Variants in TP73 observed in about 807,000 individuals in gnomAD.
The protein encoded by TP73 is tumor protein p73.
In TP73, 25 loss-of-function variants were observed where a neutral mutation model predicts 62.5. That is an observed-to-expected ratio of 0.40 (90% confidence interval 0.29 to 0.56). The LOEUF (loss-of-function observed/expected upper bound fraction) is 0.56. Among genes scored for constraint, TP73 ranks in the 20% least tolerant of loss-of-function variants. The probability of loss-of-function intolerance (pLI) is 0.46; values close to 1 mark genes in which losing one functional copy is unlikely to be tolerated. For missense variants in TP73, 754 were observed against 913.3 expected, an observed-to-expected ratio of 0.83 and a Z score of 2.25; for synonymous variants, 423 against 377.5, an observed-to-expected ratio of 1.12 and a Z score of -1.40.
At chr1:3,658,581 C>A (rs1464033715) in intron 1 of TP73, among the ~76,000 whole-genome samples, 2 of 152,180 alleles carry the variant, frequency 1.3e-5, no homozygotes, top group African/African-American at 4.8e-5. Flanking sequence ...TGCGTCTTGG[C>A]GCGCGGCTCT....
chr1:3,688,021 G>A (rs540968398), intron 3 of TP73, among the ~76,000 whole-genome samples: 13 of 152,132 alleles, frequency 8.5e-5, no homozygotes, highest in Non-Finnish European at 1.9e-4. Context: ...CGCAGGTCCC[G>A]TGCATGTGTG....
intron 1 of TP73, among the ~76,000 whole-genome samples, chr1:3,656,385 AAAG>A (rs1282922373): frequency 2.0e-5 from 3 of 152,232 alleles, no homozygotes; most frequent in Non-Finnish European, 4.4e-5. Context: ...TCACAGACCC[AAAG>A]AAGAAAAAGA....
intron 13 of TP73, among the ~76,000 whole-genome samples, chr1:3,732,029 C>T (rs138353278): frequency 3.3e-5 from 5 of 152,358 alleles, no homozygotes; most frequent in Non-Finnish European, 7.3e-5. Context: ...CATGATTAAA[C>T]AGCCACGGCT....
At chr1:3,690,230 G>A (rs1190777899) in intron 3 of TP73, among the ~76,000 whole-genome samples, 5 of 152,162 alleles carry the variant, frequency 3.3e-5, no homozygotes, top group South Asian at 4.1e-4. Context: ...TGTCTCCCTC[G>A]GGGGTCTAGG....
In TP73 at chr1:3,668,250, G is replaced by A. The variant is rs145082508; in HGVS notation, c.-33-14083G>A. ...GGATACACTTTCCAAAGAGTCACCC[G>A]GCTGCGATGAGGGGCCATCTCCCCT... On this transcript the variant is annotated intron_variant, in intron 1 of 13. Coordinates refer to ENST00000378295, the MANE Select transcript of TP73 (RefSeq NM_005427.4). 3.9e-3 allele frequency among the ~76,000 whole-genome samples: 592 copies of A among 152,250 alleles called. 2 individuals carry two copies. Among genetic ancestry groups the A allele is most frequent in the African/African-American group, 0.013 (536 of 41,538 alleles).
chr1:3,708,176 C>T, intron 4 of TP73: 1 of 290,802 alleles, frequency 3.4e-6, no homozygotes, highest in Non-Finnish European at 6.6e-6. Context: ...GAGACAGGCC[C>T]ACAGCCCTAG....
At chr1:3,656,321 C>T (rs1182298522) in intron 1 of TP73, among the ~76,000 whole-genome samples, 1 of 152,250 alleles carries the variant, frequency 6.6e-6, no homozygotes, top group Non-Finnish European at 1.5e-5. Context: ...TATTTCTTTG[C>T]AGGCTAAACA....
At chr1:3,682,088 G>A (rs1013493976) in intron 1 of TP73, among the ~76,000 whole-genome samples, 3 of 152,212 alleles carry the variant, frequency 2.0e-5, no homozygotes, top group Non-Finnish European at 4.4e-5. Context: ...GCACCCCCAC[G>A]GATGGGTCTG....
At chr1:3,687,537 GC>G (rs1557511011) in intron 3 of TP73, among the ~76,000 whole-genome samples, 1 of 152,026 alleles carries the variant, frequency 6.6e-6, no homozygotes, top group African/African-American at 2.4e-5. Context: ...CCCTCTGAGC[GC>G]TAGCGTCCCC....
At chr1:3,679,381 C>T (rs1051386399) in intron 1 of TP73, among the ~76,000 whole-genome samples, 1 of 152,200 alleles carries the variant, frequency 6.6e-6, no homozygotes, top group Non-Finnish European at 1.5e-5. Flanking sequence ...AGGGGTGCGG[C>T]GGGATGCCGT....
intron 6 of TP73, among the ~76,000 whole-genome samples, chr1:3,726,040 GATGGATGGAGT>G: frequency 1.2e-5 from 1 of 80,592 alleles, no homozygotes; most frequent in Non-Finnish European, 2.5e-5. Flanking sequence ...TGTGTGGGTG[GATGGATGGAGT>G]GGGTGGGTGG....
chr1:3,664,192 CAG>C (rs1645061338), intron 1 of TP73, among the ~76,000 whole-genome samples: 2 of 152,254 alleles, frequency 1.3e-5, no homozygotes, highest in South Asian at 4.1e-4. Context: ...CCTACCAGCC[CAG>C]ATGCAGGGCC....
chr1:3,673,634 G>C (rs1645294150), intron 1 of TP73, among the ~76,000 whole-genome samples: 1 of 152,250 alleles, frequency 6.6e-6, no homozygotes. Context: ...AGAGGGAACT[G>C]GAGTGTGTGC....
intron 4 of TP73, among the ~76,000 whole-genome samples, chr1:3,711,311 G>A (rs987861125): frequency 6.6e-6 from 1 of 152,250 alleles, no homozygotes; most frequent in African/African-American, 2.4e-5. Flanking sequence ...TGGGCTCAGA[G>A]TGTGGGCAGA....
chr1:3,676,351 T>A (rs1304384086), intron 1 of TP73, among the ~76,000 whole-genome samples: 2 of 89,730 alleles, frequency 2.2e-5, no homozygotes, highest in African/African-American at 9.1e-5. Flanking sequence ...AGGGAGGGGA[T>A]AGAAGATGGG....
intron 1 of TP73, among the ~76,000 whole-genome samples, chr1:3,676,824 C>T (rs1001356649): frequency 6.6e-6 from 1 of 151,898 alleles, no homozygotes; most frequent in Non-Finnish European, 1.5e-5. Context: ...CATGGCACAG[C>T]ACCCCCTCTC....
chr1:3,696,623 TG>T lies in TP73; in HGVS notation c.187-10922del, dbSNP rs1238691518. 6.6e-6 allele frequency among the ~76,000 whole-genome samples: 1 copy of T among 151,804 alleles called. No homozygotes were observed. Among genetic ancestry groups the T allele is most frequent in the Non-Finnish European group, 1.5e-5 (1 of 67,966 alleles). ...CTGGCTGGGAGAACAGAAAAGGGAC[TG>T]GGGCTTGGCAACCCAGAGGCTGCTG... On this transcript the variant is annotated intron_variant, in intron 3 of 13. Coordinates refer to ENST00000378295, the MANE Select transcript of TP73 (RefSeq NM_005427.4). The surrounding 1 kb of genome is among the most constrained non-coding windows in gnomAD (Gnocchi z 4.1).
chr1:3,671,780 C>A (rs1401189590), intron 1 of TP73, among the ~76,000 whole-genome samples: 2 of 152,176 alleles, frequency 1.3e-5, no homozygotes, highest in Non-Finnish European at 2.9e-5. Context: ...AGAAAGGCAA[C>A]CCTGAGAGCC....
intron 1 of TP73, among the ~76,000 whole-genome samples, chr1:3,676,418 CA>C (rs773722862): frequency 9.1e-5 from 8 of 87,878 alleles, no homozygotes; most frequent in African/African-American, 1.5e-4. Context: ...GACAGGGAGA[CA>C]GGGGGACAGG....
Sources: gnomAD v4.1 joint callset for allele counts (sites outside exome capture counted in the v4.1 genomes callset) on GRCh38, gnomAD v4.1.1 for gene constraint, Gnocchi (gnomAD v3.1) non-coding constraint, MANE v1.5 for transcripts, NCBI Gene and HGNC (gene_info 2026-07-23, HGNC 2026-07-21) for gene names.